ADAMTS20: variants seen among roughly 807,000 people sequenced by gnomAD.
ADAMTS20 encodes the protein A disintegrin and metalloproteinase with thrombospondin motifs 20.
Under a neutral mutation model 260.1 loss-of-function variants are expected in ADAMTS20, and 225 were observed. The ratio of observed to expected loss-of-function variants is 0.87; its 90% confidence interval spans 0.78 to 0.97. The LOEUF is 0.97. Ranked by LOEUF, ADAMTS20 falls within the 50% of genes least tolerant of loss-of-function variation. The pLI, the probability that ADAMTS20 is intolerant of heterozygous loss-of-function variation, is 0.00. For synonymous variants in ADAMTS20, 802 were observed against 769.5 expected, an observed-to-expected ratio of 1.04 and a Z score of -0.70; for missense variants, 2,400 against 2,337.7, an observed-to-expected ratio of 1.03 and a Z score of -0.55.
intron 7 of ADAMTS20, among the ~76,000 whole-genome samples, chr12:43,480,401 C>T (rs147167922): frequency 2.0e-4 from 31 of 152,252 alleles, no homozygotes; most frequent in African/African-American, 7.2e-4. Flanking sequence ...GGAAGTGCAA[C>T]TGTTTCTTCA....
At chr12:43,381,415 G>C (rs1167862753) in intron 31 of ADAMTS20, among the ~76,000 whole-genome samples, 1 of 151,982 alleles carries the variant, frequency 6.6e-6, no homozygotes, top group Non-Finnish European at 1.5e-5. Flanking sequence ...CAGAATTGGA[G>C]AAAATATTTG....
At chr12:43,388,567 C>T (rs1231179165) in intron 29 of ADAMTS20, among the ~76,000 whole-genome samples, 1 of 152,130 alleles carries the variant, frequency 6.6e-6, no homozygotes, top group African/African-American at 2.4e-5. Flanking sequence ...CAACTTTGTC[C>T]AAGTCTTGTT....
intron 7 of ADAMTS20, among the ~76,000 whole-genome samples, chr12:43,479,280 T>C (rs1478292265): frequency 6.6e-6 from 1 of 152,200 alleles, no homozygotes; most frequent in East Asian, 1.9e-4. Context: ...GATAGAGATA[T>C]ACTTCATGTT....
intron 2 of ADAMTS20, among the ~76,000 whole-genome samples, chr12:43,549,206 A>C (rs1943479845): frequency 9.0e-6 from 1 of 111,324 alleles, no homozygotes; most frequent in Admixed American, 9.5e-5. Context: ...TACATTATCC[A>C]CATAAATGAG....
chr12:43,546,791 T>G (rs1943446038), intron 2 of ADAMTS20, among the ~76,000 whole-genome samples: 1 of 152,190 alleles, frequency 6.6e-6, no homozygotes, highest in Non-Finnish European at 1.5e-5. Flanking sequence ...ATTTTTATAC[T>G]TTTTATAGAT....
rs548447419 is a variant in ADAMTS20, at chr12:43,388,258, C to T, written c.4453-4281G>A. Among the ~76,000 whole-genome samples the T allele has an allele frequency of 9.2e-5, 14 of 152,276 alleles. No homozygotes were observed. In the South Asian group the frequency reaches 1.9e-3, roughly 20 times the overall value. ...CCGTCCCTCAAGGCACAGTCCCTCA[C>T]GGCTTCCCTTGGCCAGTGGAAGGAG... On this transcript the variant is annotated intron_variant, in intron 29 of 38. Coordinates refer to ENST00000389420, the MANE Select transcript of ADAMTS20 (RefSeq NM_025003.5).
intron 18 of ADAMTS20, among the ~76,000 whole-genome samples, chr12:43,438,996 C>T (rs988566828): frequency 2.8e-4 from 42 of 152,150 alleles, no homozygotes; most frequent in African/African-American, 9.9e-4. Context: ...ATAATCTGAG[C>T]ATATTCCCTC....
intron 11 of ADAMTS20, among the ~76,000 whole-genome samples, chr12:43,461,775 G>A (rs1325322754): frequency 5.3e-5 from 8 of 151,610 alleles, no homozygotes; most frequent in African/African-American, 1.9e-4. Flanking sequence ...CTAGTCACAG[G>A]AACCGAGAAA....
Position 43,425,632 on chromosome 12 carries a change from T to C in ADAMTS20, c.4166A>G (p.Asn1389Ser), listed in dbSNP as rs1941318311. ...KSRLVICQFP[N>S]GQILEDHNCE... ...GTTGTGATCTTCTAATATTTGGCCA[T>C]TGGGAAATTGACATATTACAAGTCT... is the stretch of plus-strand genomic sequence containing the variant. Residue 1389 changes from asparagine to serine, a missense_variant, in exon 28 of 39, where the codon AAT (asparagine) becomes AGT (serine). By Grantham distance (46) the Asn-to-Ser change is conservative. Coordinates refer to ENST00000389420, the MANE Select transcript of ADAMTS20 (RefSeq NM_025003.5). 2 of 1,610,458 alleles carry C rather than the reference T, an allele frequency of 1.2e-6. No homozygotes were observed. The highest frequency in any genetic ancestry group is 2.7e-5 in the African/African-American group (2 of 74,944).
chr12:43,364,849 T>A (rs1433639104), intron 37 of ADAMTS20, among the ~76,000 whole-genome samples: 1 of 152,090 alleles, frequency 6.6e-6, no homozygotes, highest in Non-Finnish European at 1.5e-5. Context: ...TGGTATATAT[T>A]AAAATAATGA....
rs1941899924 is a variant in ADAMTS20 at position 43,453,098 on chromosome 12, C to T, written c.1761-403G>A. 5.9e-5 allele frequency among the ~76,000 whole-genome samples: 9 copies of T among 152,200 alleles called. No homozygotes were observed. In the South Asian group the frequency reaches 1.9e-3, roughly 32 times the overall value. ...ATGTATACACATCTGTCATGTATATCTTATTTATCACTCAATTCAAGGAGT... is the reference window on the plus strand; with the variant it reads ...ATGTATACACATCTGTCATGTATATTTTATTTATCACTCAATTCAAGGAGT... On this transcript the variant is annotated intron_variant, in intron 12 of 38. Transcript: ENST00000389420.
intron 28 of ADAMTS20, among the ~76,000 whole-genome samples, chr12:43,409,139 G>GACAAA (rs1384400264): frequency 6.6e-6 from 1 of 151,624 alleles, no homozygotes; most frequent in African/African-American, 2.4e-5. Flanking sequence ...ATCCTATATG[G>GACAAA]ACAAAACAAA....
intron 28 of ADAMTS20, among the ~76,000 whole-genome samples, chr12:43,405,557 T>C (rs1940904235): frequency 6.6e-6 from 1 of 151,764 alleles, no homozygotes; most frequent in South Asian, 2.1e-4. Flanking sequence ...TGAAACTTAA[T>C]TTTTCAGCTA....
At chr12:43,546,839 T>C (rs973204558) in intron 2 of ADAMTS20, among the ~76,000 whole-genome samples, 10 of 152,132 alleles carry the variant, frequency 6.6e-5, no homozygotes, top group African/African-American at 2.4e-4. Flanking sequence ...TCAGAAATGT[T>C]TGAATTATGG....
chr12:43,477,653 C>T (rs1942379672), intron 7 of ADAMTS20, among the ~76,000 whole-genome samples: 1 of 152,124 alleles, frequency 6.6e-6, no homozygotes, highest in Non-Finnish European at 1.5e-5. Flanking sequence ...TTGTCTCTTT[C>T]TTTCTCTCTC....
Position 43,467,184 on chromosome 12 carries a change from A to G in ADAMTS20, c.1224-389T>C, listed in dbSNP as rs529295170. On this transcript the variant is annotated intron_variant, in intron 8 of 38. Coordinates refer to ENST00000389420, the MANE Select transcript of ADAMTS20 (RefSeq NM_025003.5). ...CACACTAAATTCTAGACCATTGACT[A>G]TGGCTACAATATCACAAGAACTTCG... 7.9e-5 allele frequency among the ~76,000 whole-genome samples: 12 copies of G among 152,206 alleles called. No homozygotes were observed. The South Asian group carries it at 2.5e-3, about 32-fold the overall frequency.
rs1943514373 is a variant in ADAMTS20 at position 43,551,369 on chromosome 12, C to G, written c.92-99G>C. The stretch of plus-strand genomic sequence containing the variant: ...ACGTCCCCGCTAAAGGTCCCAGGTC[C>G]CAGTACAGCCAGGGGCAAGACAAAT... On this transcript the variant is annotated intron_variant, in intron 1 of 38. Coordinates refer to ENST00000389420, the MANE Select transcript of ADAMTS20 (RefSeq NM_025003.5). This position sits in a 1 kb window ranked among gnomAD's most constrained non-coding sequence, Gnocchi z 4.6. 1.4e-6 allele frequency: 2 copies of G among 1,479,780 alleles called. No homozygotes were observed. Among genetic ancestry groups the G allele is most frequent in the Admixed American group, 4.5e-5 (2 of 44,344 alleles). The allele number at this position is 1,479,780 out of a possible 1,614,324, so 91.7% of individuals were successfully genotyped here. A position where few individuals can be genotyped will look rare whatever the true frequency, so the allele number is the denominator to read the frequency against.
chr12:43,368,336 C>T (rs1940032129), intron 37 of ADAMTS20, among the ~76,000 whole-genome samples: 2 of 152,062 alleles, frequency 1.3e-5, no homozygotes, highest in South Asian at 4.1e-4. Context: ...ATGTCTTTTT[C>T]ATGTAACATC....
At chr12:43,357,502 G>A (rs1939770676) in intron 37 of ADAMTS20, among the ~76,000 whole-genome samples, 1 of 152,078 alleles carries the variant, frequency 6.6e-6, no homozygotes, top group Admixed American at 6.5e-5. Flanking sequence ...AAAACAAATA[G>A]ATATCAATTT....
Sources: gnomAD v4.1 joint callset for allele counts (sites outside exome capture counted in the v4.1 genomes callset) on GRCh38, gnomAD v4.1.1 for gene constraint, Gnocchi (gnomAD v3.1) non-coding constraint, MANE v1.5 for transcripts, NCBI Gene and HGNC (gene_info 2026-07-23, HGNC 2026-07-21) for gene names.